Variants in ANTXR1 observed in about 807,000 individuals in gnomAD.
The protein encoded by ANTXR1 is anthrax toxin receptor 1.
A neutral mutation model predicts 78.1 loss-of-function variants in ANTXR1; 19 were observed. That is an observed-to-expected ratio of 0.24 (90% CI 0.17 to 0.36). ANTXR1 has a LOEUF of 0.36. Ranked by LOEUF, ANTXR1 falls within the 10% of genes least tolerant of loss-of-function variation. The pLI is 1.00. For missense variants in ANTXR1, 518 were observed against 718.6 expected (o/e 0.72, Z 3.19); for synonymous variants, 273 against 260.5 (o/e 1.05, Z -0.46).
At chr2:69,071,974 G>T (rs913562396) in intron 5 of ANTXR1, among the ~76,000 whole-genome samples, 187 bp downstream of exon 5, 4 of 152,146 alleles carry the variant, frequency 2.6e-5, no homozygotes, top group African/African-American at 9.7e-5. Context: ...AAATTCCACT[G>T]TCCTGTTGAT....
At chr2:69,108,832 G>A (rs1400022230) in intron 10 of ANTXR1, among the ~76,000 whole-genome samples, 5 of 152,170 alleles carry the variant, frequency 3.3e-5, no homozygotes, top group Admixed American at 6.5e-5. Flanking sequence ...ATTCCACGGT[G>A]TATATATACA....
chr2:69,176,504 A>G (rs13407998), intron 14 of ANTXR1, among the ~76,000 whole-genome samples: 10,540 of 152,210 alleles, frequency 0.069, 1,205 homozygotes, highest in African/African-American at 0.24. Flanking sequence ...CTGCCCTTCG[A>G]AGCCTCCCAG....
chr2:69,040,838 G>A (rs139905922), intron 2 of ANTXR1, among the ~76,000 whole-genome samples: 11 of 152,286 alleles, frequency 7.2e-5, no homozygotes, highest in African/African-American at 2.6e-4. Flanking sequence ...TCTGATCATC[G>A]TAAGTTCTAA....
chr2:69,176,712 T>C (rs1674132594), intron 14 of ANTXR1, among the ~76,000 whole-genome samples: 1 of 152,212 alleles, frequency 6.6e-6, no homozygotes, highest in South Asian at 2.1e-4. Flanking sequence ...AAAAATCTCT[T>C]GTTGAGCTTA....
chr2:69,055,119 G>T (rs1272019242), intron 3 of ANTXR1, among the ~76,000 whole-genome samples: 1 of 152,154 alleles, frequency 6.6e-6, no homozygotes, highest in Non-Finnish European at 1.5e-5. Flanking sequence ...TGTGGTTGTT[G>T]TTAGGGGTTT....
At position 69,137,783 on chromosome 2, in the gene ANTXR1, C is replaced by CAAA. The variant is rs1277649788; in HGVS notation, c.951+13157_951+13159dup. On this transcript the variant is annotated intron_variant, in intron 12 of 17. Coordinates refer to ENST00000303714, the MANE Select transcript of ANTXR1 (RefSeq NM_032208.3). ...TGTGCAAGAGAGCAAGACCCTGTCT[C>CAAA]AAAAAAAAAAAAAAAAAAACAGTGG... Among the ~76,000 whole-genome samples the CAAA allele has an allele frequency of 1.1e-3, 96 of 87,046 alleles. 1 individual carries two copies. The highest frequency in any genetic ancestry group is 2.5e-3 in the African/African-American group (59 of 23,952). The allele number at this position is 87,046 out of a possible 152,430, so 57.1% of individuals were successfully genotyped here.
intron 11 of ANTXR1, among the ~76,000 whole-genome samples, chr2:69,123,869 G>A (rs1672435940): frequency 6.6e-6 from 1 of 152,156 alleles, no homozygotes; most frequent in South Asian, 2.1e-4. Flanking sequence ...GACAAAGAAT[G>A]GAGGCTTTAA....
At chr2:69,040,587 G>A (rs990824296) in intron 2 of ANTXR1, among the ~76,000 whole-genome samples, 9 of 152,162 alleles carry the variant, frequency 5.9e-5, no homozygotes, top group South Asian at 2.1e-4. Flanking sequence ...ACAATTGGTC[G>A]CTCTCTAGCT....
In ANTXR1 at chr2:69,070,737, A is replaced by T; in HGVS notation, c.378+9A>T. 1 of 1,613,200 alleles carries T rather than the reference A, an allele frequency of 6.2e-7. No individual in the cohort carries two copies. The highest frequency in any genetic ancestry group is 8.5e-7 in the Non-Finnish European group (1 of 1,179,166). ...ATGAAGGATTTGAAAGGGTAATTTT[A>T]AAACAGTTTGAAATCCAAATATAAA... On this transcript the variant is annotated intron_variant, in intron 4 of 17. Transcript: ENST00000303714.
chr2:69,040,858 A>G (rs970733057), intron 2 of ANTXR1, among the ~76,000 whole-genome samples: 18 of 152,136 alleles, frequency 1.2e-4, no homozygotes, highest in Non-Finnish European at 2.4e-4. Flanking sequence ...ACACAGCTCC[A>G]CTTCATGCTG....
At chr2:69,172,109 G>A (rs1312694506) in intron 14 of ANTXR1, among the ~76,000 whole-genome samples, 1 of 152,164 alleles carries the variant, frequency 6.6e-6, no homozygotes, top group African/African-American at 2.4e-5. Flanking sequence ...TTCATTGGCT[G>A]ATGAAAAACA....
At chr2:69,044,488 T>C (rs1287145608) in intron 2 of ANTXR1, among the ~76,000 whole-genome samples, 1 of 152,164 alleles carries the variant, frequency 6.6e-6, no homozygotes, top group Non-Finnish European at 1.5e-5. Flanking sequence ...TTACTCGTAA[T>C]CCACACTCAC....
intron 17 of ANTXR1, among the ~76,000 whole-genome samples, chr2:69,219,907 C>T (rs1241586335): frequency 6.6e-6 from 1 of 150,826 alleles, no homozygotes; most frequent in African/African-American, 2.5e-5. Context: ...CATCTCCATC[C>T]TTCCTGATTT....
chr2:69,147,177 C>T (rs910464472), intron 12 of ANTXR1, among the ~76,000 whole-genome samples: 7 of 152,226 alleles, frequency 4.6e-5, no homozygotes, highest in African/African-American at 1.7e-4. Context: ...GCCTCCCAGC[C>T]ACTGGCAAAG....
intron 10 of ANTXR1, chr2:69,103,775 A>G (rs1671711890): frequency 6.4e-6 from 1 of 155,534 alleles, no homozygotes; most frequent in Non-Finnish European, 1.5e-5. Flanking sequence ...ATCTGCAGTG[A>G]TAACTGTCAT....
chr2:69,182,877 G>A, intron 16 of ANTXR1: 1 of 619,052 alleles, frequency 1.6e-6, no homozygotes. Flanking sequence ...AATCACCGTG[G>A]TGCTCACTTC....
In ANTXR1 at chr2:69,028,217, G is replaced by A. The variant is rs140500548; in HGVS notation, c.153-11827G>A. Among the ~76,000 whole-genome samples, 1,407 of 152,234 alleles carry A rather than the reference G, an allele frequency of 9.2e-3. 22 individuals carry two copies. The highest frequency in any genetic ancestry group is 0.032 in the African/African-American group (1,325 of 41,542). On this transcript the variant is annotated intron_variant, in intron 1 of 17. Transcript: ENST00000303714. ...AACTCTTCTGACTTAAGAAAAATTTGAAAATGCAGATTAAGTAGGCTCACC... is the reference window on the plus strand; with the variant it reads ...AACTCTTCTGACTTAAGAAAAATTTAAAAATGCAGATTAAGTAGGCTCACC...
intron 3 of ANTXR1, among the ~76,000 whole-genome samples, chr2:69,046,103 C>G (rs1669760469): frequency 6.6e-6 from 1 of 152,128 alleles, no homozygotes. Context: ...GATGCCACCC[C>G]TTATGCAGAG....
chr2:69,071,885 G>C, intron 5 of ANTXR1, 98 bp downstream of exon 5: 1 of 1,093,582 alleles, frequency 9.1e-7, no homozygotes. Flanking sequence ...CAAAAGACAT[G>C]TATGATATTA....
Sources: allele counts gnomAD v4.1 joint callset (sites outside exome capture counted in the v4.1 genomes callset), GRCh38; gene constraint gnomAD v4.1.1; transcripts MANE v1.5; gene names NCBI Gene and HGNC (gene_info 2026-07-23, HGNC 2026-07-21).